Variants in LUZP4 observed in about 807,000 individuals in gnomAD.
LUZP4 encodes HOM-TES-85 tumor antigen.
LUZP4 carries 11 observed loss-of-function variants against 8.5 expected under a neutral mutation model. The observed-to-expected ratio is 1.30, with a 90% CI of 0.82 to 2.14. The LOEUF (loss-of-function observed/expected upper bound fraction) is 2.14. Ranked by LOEUF, LUZP4 falls within the 30% of genes most tolerant of loss-of-function variation. The pLI is 0.00. For missense variants in LUZP4, 276 were observed against 229.7 expected (o/e 1.20, Z -1.30); for synonymous variants, 104 against 79.4 (o/e 1.31, Z -1.65).
intron 1 of LUZP4, among the ~76,000 whole-genome samples, chrX:115,296,513 A>G (rs921108970): frequency 1.8e-5 from 2 of 111,820 alleles, no homozygotes; most frequent in Non-Finnish European, 3.8e-5. Context: ...AACTAAGGAA[A>G]AGGACATGAG....
In LUZP4 at chrX:115,307,233, T is replaced by C; in HGVS notation, c.*429T>C. 7.1e-6 allele frequency: 1 copy of C among 141,147 alleles called. No individual in the cohort carries two copies. Among genetic ancestry groups the C allele is most frequent in the Admixed American group, 7.5e-5 (1 of 13,341 alleles). 11.6% of individuals were successfully genotyped at this position (141,147 alleles called of 1,213,427 possible). A position where few individuals can be genotyped will look rare whatever the true frequency, so the allele number is the denominator to read the frequency against. ...ATAATCTATGATAATGAATATCTCT[T>C]TTGTGTCTCCTTCCTAAGCCATCCT... On this transcript the variant is annotated 3_prime_UTR_variant, in exon 4 of 4. Transcript: ENST00000371920.
intron 1 of LUZP4, among the ~76,000 whole-genome samples, chrX:115,300,777 T>C (rs1164618905): frequency 3.3e-5 from 2 of 60,174 alleles, no homozygotes; most frequent in East Asian, 6.4e-4. Flanking sequence ...GGCACCACCA[T>C]GTCATTGCTG....
rs782107721 is a variant in LUZP4 at position 115,289,893 on chromosome X, C to G, written c.91+43C>G. The G allele has an allele frequency of 4.0e-6, 4 of 1,008,423 alleles. No homozygotes were observed. In the African/African-American group the frequency reaches 7.6e-5, roughly 19 times the overall value. The allele number at this position is 1,008,423 out of a possible 1,213,427, so 83.1% of individuals were successfully genotyped here. A position where few individuals can be genotyped will look rare whatever the true frequency, so the allele number is the denominator to read the frequency against. On this transcript the variant is annotated intron_variant, in intron 1 of 3. Transcript: ENST00000371920. The stretch of plus-strand genomic sequence containing the variant: ...CCCAGTCTCCACTAGTTTGGGCTCA[C>G]TGGTCTTGAGCGCAAGACCTCGGCA...
rs782603887 is a variant in LUZP4 at position 115,289,825 on chromosome X, G to C, written c.66G>C (p.Lys22Asn). The change falls in exon 1 of 4, where the codon AAG (lysine) becomes AAC (asparagine). Residue 22 changes from lysine to asparagine, a missense_variant. Physicochemically the swap from Lys to Asn is moderately conservative, Grantham distance 94. Transcript: ENST00000371920. ...CGCCAAATCATCCCAGTCGGAAAAA[G>C]GTTAACTTCCTAGATATGTCTCTAG... ...KVPPNHPSRK[K>N]VNFLDMSLDD... 8.3e-7 allele frequency: 1 copy of C among 1,205,626 alleles called. No homozygotes were observed. The highest frequency in any genetic ancestry group is 1.8e-5 in the South Asian group (1 of 56,748).
intron 3 of LUZP4, among the ~76,000 whole-genome samples, chrX:115,304,279 T>G (rs1185950008): frequency 9.0e-6 from 1 of 111,576 alleles, no homozygotes; most frequent in Non-Finnish European, 1.9e-5. Flanking sequence ...CAGTATGTGC[T>G]TAATAGGACA....
intron 1 of LUZP4, 83 bp from the exon 2 acceptor site, chrX:115,301,909 A>G: frequency 1.8e-6 from 1 of 549,428 alleles, no homozygotes; most frequent in Non-Finnish European, 2.7e-6. Context: ...CTGAAATATG[A>G]TGAGATAAGA....
At position 115,306,686 on chromosome X, in the gene LUZP4, T is replaced by C. The variant is rs146034702; in HGVS notation, c.824T>C (p.Val275Ala). 4.1e-6 allele frequency: 5 copies of C among 1,207,993 alleles called. No homozygotes were observed. The highest frequency in any genetic ancestry group is 2.2e-5 in the Admixed American group (1 of 45,733). Residue 275 changes from valine (V) to alanine (A), a missense_variant, in exon 4 of 4, where the codon GTC (valine) becomes GCC (alanine). Transcript: ENST00000371920. ...ATAGCCACTCAGAGAGATCTCATAG[T>C]CACTCAGAGAGATCTCGTGGCCACT... is the stretch of plus-strand genomic sequence containing the variant. ...DLIATQRDLIVTQRDLVATER... is the reference protein window; with the variant it reads ...DLIATQRDLIATQRDLVATER...
intron 3 of LUZP4, among the ~76,000 whole-genome samples, chrX:115,305,203 G>A (rs782181109): frequency 3.6e-5 from 4 of 112,062 alleles, no homozygotes; most frequent in East Asian, 5.6e-4. Context: ...GACCCACTGT[G>A]CTCCCAACAC....
Position 115,306,772 on chromosome X carries a change from T to C in LUZP4, c.910T>C (p.Tyr304His). The C allele has an allele frequency of 8.3e-7, 1 of 1,207,633 alleles. No homozygotes were observed. Among genetic ancestry groups the C allele is most frequent in the Non-Finnish European group, 1.1e-6 (1 of 891,799 alleles). ...TGGCCAATCAGAAAGACATCAGAGA[T>C]ACTCAACAGGTAAAAATACAATAAC... The part of the protein sequence containing the change: ...SHGQSERHQR[Y>H]STGKNTITT The change falls in exon 4 of 4, where the codon TAC becomes CAC. Residue 304 changes from tyrosine to histidine, a missense_variant. Coordinates refer to ENST00000371920, the MANE Select transcript of LUZP4 (RefSeq NM_016383.5).
intron 1 of LUZP4, among the ~76,000 whole-genome samples, chrX:115,291,421 G>T (rs918072861): frequency 2.7e-5 from 3 of 111,327 alleles, no homozygotes; most frequent in East Asian, 2.8e-4. Flanking sequence ...AGAAATGAGA[G>T]GGGGAGAGGC....
chrX:115,304,795 G>GA (rs1193318960), intron 3 of LUZP4, among the ~76,000 whole-genome samples: 15 of 103,136 alleles, frequency 1.5e-4, no homozygotes, highest in East Asian at 3.0e-4. Context: ...GAACTCACTA[G>GA]AAAAAAAAAA....
intron 1 of LUZP4, among the ~76,000 whole-genome samples, chrX:115,296,918 T>A (rs1427686179): frequency 8.9e-6 from 1 of 111,915 alleles, no homozygotes; most frequent in Non-Finnish European, 1.9e-5. Flanking sequence ...AGAATCAGAT[T>A]TTTTTCTTAT....
At chrX:115,302,270 G>A in intron 2 of LUZP4, 147 bp downstream of exon 2, 1 of 442,782 alleles carries the variant, frequency 2.3e-6, no homozygotes, top group Non-Finnish European at 3.6e-6. Context: ...GGCTCATACA[G>A]GGTTGGTAAG....
chrX:115,306,042 A>G (rs782721124), intron 3 of LUZP4, among the ~76,000 whole-genome samples, 163 bp from the exon 4 acceptor site: 9 of 112,177 alleles, frequency 8.0e-5, no homozygotes, highest in African/African-American at 2.9e-4. Flanking sequence ...CAATGGAGCT[A>G]TTCTGTAAGT....
In LUZP4 at chrX:115,307,159, A is replaced by G; in HGVS notation, c.*355A>G. 5.3e-6 allele frequency: 1 copy of G among 190,002 alleles called. No homozygotes were observed. The highest frequency in any genetic ancestry group is 1.4e-4 in the South Asian group (1 of 7,374). The allele number at this position is 190,002 out of a possible 1,213,427, so 15.7% of individuals were successfully genotyped here. ...GTGTCCAGTGCCCCTTGGACATTCCAACCTGGTAGGTAAGCTAATCTAACA... is the reference window on the plus strand; with the variant it reads ...GTGTCCAGTGCCCCTTGGACATTCCGACCTGGTAGGTAAGCTAATCTAACA... On this transcript the variant is annotated 3_prime_UTR_variant, in exon 4 of 4. Transcript: ENST00000371920.
intron 1 of LUZP4, among the ~76,000 whole-genome samples, chrX:115,300,567 G>T (rs1377305950): frequency 1.8e-5 from 2 of 112,060 alleles, no homozygotes; most frequent in Non-Finnish European, 1.9e-5. Context: ...AGCTCTTGAT[G>T]GAGAGGTTTG....
intron 1 of LUZP4, among the ~76,000 whole-genome samples, chrX:115,297,093 TACAG>T (rs2073373866): frequency 8.9e-6 from 1 of 111,986 alleles, no homozygotes; most frequent in African/African-American, 3.2e-5. Flanking sequence ...TCCTCTGAGT[TACAG>T]ACAATCCAAT....
chrX:115,299,557 C>A (rs782336736), intron 1 of LUZP4, among the ~76,000 whole-genome samples: 1 of 111,382 alleles, frequency 9.0e-6, no homozygotes, highest in Admixed American at 9.5e-5. Context: ...AGAGGAGCCT[C>A]ACCCCATAGC....
intron 2 of LUZP4, among the ~76,000 whole-genome samples, chrX:115,302,353 T>TA (rs782666521): frequency 3.6e-5 from 4 of 112,100 alleles, no homozygotes; most frequent in South Asian, 3.7e-4. Context: ...GAGAGTGGGA[T>TA]AAAAAAAGTA....
Sources: allele counts gnomAD v4.1 joint callset (sites outside exome capture counted in the v4.1 genomes callset), GRCh38; gene constraint gnomAD v4.1.1; transcripts MANE v1.5; gene names NCBI Gene and HGNC (gene_info 2026-07-23, HGNC 2026-07-21).